The following TAF15 variants were observed in gnomAD, a reference collection of about 807,000 sequenced individuals.
The protein encoded by TAF15 is TATA-binding protein-associated factor 2N.
Under a neutral mutation model 102.5 loss-of-function variants are expected in TAF15, and 37 were observed. The ratio of observed to expected loss-of-function variants is 0.36; its 90% CI spans 0.28 to 0.47. The LOEUF is 0.47. TAF15 is among the 20% of genes least tolerant of loss of function. The pLI, the probability that TAF15 is intolerant of heterozygous loss-of-function variation, is 0.99. For synonymous variants in TAF15, 273 were observed against 259.2 expected (o/e 1.05, Z -0.51); for missense variants, 652 against 760.7 (o/e 0.86, Z 1.68).
In TAF15 at chr17:35,822,645, G is replaced by A; in HGVS notation, c.296G>A (p.Gly99Asp). 6.2e-7 allele frequency: 1 copy of A among 1,613,584 alleles called. No homozygotes were observed. Among genetic ancestry groups the A allele is most frequent in the East Asian group, 2.2e-5 (1 of 44,858 alleles). ...AGTTCTCCATTTCTATTTAGCCAAGGTGGAAGAGCACCTTCCTATGACCAG... is the reference window on the plus strand; with the variant it reads ...AGTTCTCCATTTCTATTTAGCCAAGATGGAAGAGCACCTTCCTATGACCAG... ...QQNMESSGSQ[G>D]GRAPSYDQPD... Residue 99 changes from glycine to aspartate, a missense_variant, in exon 6 of 16, where the codon GGT (glycine) becomes GAT (aspartate). Gly to Asp is a moderately conservative substitution (Grantham distance 94). This residue lies in a region of TAF15 where 243 missense variants were observed against 284.1 expected (regional missense o/e 0.86). Transcript: ENST00000605844.
chr17:35,838,343 A>C, intron 10 of TAF15, 81 bp from the exon 11 acceptor site: 1 of 1,582,752 alleles, frequency 6.3e-7, no homozygotes, highest in Admixed American at 1.7e-5. Flanking sequence ...CTTGTAAAAA[A>C]AATAAATCTT....
At chr17:35,827,401 A>T (rs1251855686) in intron 7 of TAF15, among the ~76,000 whole-genome samples, 2 of 151,726 alleles carry the variant, frequency 1.3e-5, no homozygotes, top group Non-Finnish European at 1.5e-5. Context: ...AGTTGGGTTT[A>T]TATTAAAAGA....
At chr17:35,832,952 C>T (rs1481840171) in intron 7 of TAF15, among the ~76,000 whole-genome samples, 1 of 151,954 alleles carries the variant, frequency 6.6e-6, no homozygotes, top group African/African-American at 2.4e-5. Flanking sequence ...AGGCCAGGAG[C>T]TGGAGATCAA....
At chr17:35,818,618 G>A (rs1234391396) in intron 2 of TAF15, 2 of 151,998 alleles carry the variant, frequency 1.3e-5, no homozygotes, top group African/African-American at 2.4e-5. Context: ...AACCAGCTTG[G>A]GTAATATAGC....
At chr17:35,838,343 A>T (rs2087500732) in intron 10 of TAF15, 81 bp from the exon 11 acceptor site, 1 of 1,582,752 alleles carries the variant, frequency 6.3e-7, no homozygotes. Context: ...CTTGTAAAAA[A>T]AATAAATCTT....
chr17:35,834,608 A>G lies in TAF15; in HGVS notation c.673+10A>G, dbSNP rs759046578. On this transcript the variant is annotated intron_variant, in intron 9 of 15. Transcript: ENST00000605844. Reference sequence around the variant, plus strand: ...CCCAGAACAGATGCTGGTAAGGTTTATGGTGGTTTGTCACTTTGCCATTAA... The same window carrying G: ...CCCAGAACAGATGCTGGTAAGGTTTGTGGTGGTTTGTCACTTTGCCATTAA... 1.8e-5 allele frequency: 29 copies of G among 1,611,588 alleles called. No homozygotes were observed. Among genetic ancestry groups the G allele is most frequent in the Non-Finnish European group, 2.1e-5 (25 of 1,179,188 alleles).
Position 35,824,155 on chromosome 17 carries a change from G to C in TAF15, c.562G>C (p.Gly188Arg). The change falls in exon 7 of 16, where the codon GGG (glycine) becomes CGG (arginine). Residue 188 changes from glycine to arginine, a missense_variant. Coordinates refer to ENST00000605844, the MANE Select transcript of TAF15 (RefSeq NM_139215.3). ...GGSQGGGRGR[G>R]GYDKDGRGPM... ...GTCACAGGGAGGAGGTAGAGGGCGTGGGGGATATGACAAGGATGGAAGAGG... is the reference window on the plus strand; with the variant it reads ...GTCACAGGGAGGAGGTAGAGGGCGTCGGGGATATGACAAGGATGGAAGAGG... The C allele has an allele frequency of 3.1e-6, 5 of 1,613,994 alleles. No individual in the cohort carries two copies. Among genetic ancestry groups the C allele is most frequent in the Non-Finnish European group, 4.2e-6 (5 of 1,180,010 alleles).
chr17:35,818,116 G>T (rs151194461), intron 2 of TAF15, among the ~76,000 whole-genome samples: 2 of 151,158 alleles, frequency 1.3e-5, no homozygotes, highest in Non-Finnish European at 2.9e-5. Context: ...TTTTTTTTGA[G>T]ACTGAGTCTC....
chr17:35,829,776 CAG>C (rs2087380072), intron 7 of TAF15, among the ~76,000 whole-genome samples: 1 of 151,952 alleles, frequency 6.6e-6, no homozygotes, highest in South Asian at 2.1e-4. Flanking sequence ...AAACAACCCT[CAG>C]AGTATGCCTT....
At chr17:35,813,645 G>T (rs4572457) in intron 1 of TAF15, among the ~76,000 whole-genome samples, 9 of 52,938 alleles carry the variant, frequency 1.7e-4, no homozygotes, top group African/African-American at 7.4e-4. Context: ...CCCCCCCCCC[G>T]CAAAAAAAGA....
intron 2 of TAF15, among the ~76,000 whole-genome samples, chr17:35,818,086 C>T (rs2087215751): frequency 6.6e-6 from 1 of 151,992 alleles, no homozygotes; most frequent in African/African-American, 2.4e-5. Flanking sequence ...TGCCACTCTA[C>T]TGGGCTTCTT....
chr17:35,838,323 G>A (rs1379011248), intron 10 of TAF15, 101 bp from the exon 11 acceptor site: 10 of 1,483,794 alleles, frequency 6.7e-6, no homozygotes, highest in African/African-American at 1.4e-5. Context: ...TAGTATGAAT[G>A]TGTGAATTCC....
chr17:35,844,474 C>T lies in TAF15; in HGVS notation c.1178-3C>T. 1 of 1,613,522 alleles carries T rather than the reference C, an allele frequency of 6.2e-7. No individual in the cohort carries two copies. The highest frequency in any genetic ancestry group is 8.5e-7 in the Non-Finnish European group (1 of 1,179,742). On this transcript the variant is annotated splice_polypyrimidine_tract_variant and splice_region_variant and intron_variant, in intron 14 of 15. Coordinates refer to ENST00000605844, the MANE Select transcript of TAF15 (RefSeq NM_139215.3). ...CCTCATTGTTTGCATTTCTACCTTG[C>T]AGATTTCCGGGGGAGAGGCTACGGT...
At chr17:35,814,196 C>T (rs896780038) in intron 1 of TAF15, among the ~76,000 whole-genome samples, 12 of 151,668 alleles carry the variant, frequency 7.9e-5, no homozygotes, top group South Asian at 2.1e-4. Flanking sequence ...GATGGAGTCT[C>T]GCTCTGTCGC....
At chr17:35,833,717 A>G (rs2087435347) in intron 7 of TAF15, 190 bp from the exon 8 acceptor site, 5 of 605,142 alleles carry the variant, frequency 8.3e-6, no homozygotes, top group South Asian at 6.0e-5. Flanking sequence ...TCTTGTGGAA[A>G]TAGATCCTTG....
rs1159733879 is a variant in TAF15, at chr17:35,813,639, C to T, written c.7+4063C>T. Reference sequence around the variant, plus strand: ...CAACAGAGCGAGACCCTGTCCCCCCCCCCCCGCAAAAAAAGATTAAGAAAC... The same window carrying T: ...CAACAGAGCGAGACCCTGTCCCCCCTCCCCCGCAAAAAAAGATTAAGAAAC... On this transcript the variant is annotated intron_variant, in intron 1 of 15. Transcript: ENST00000605844. Among the ~76,000 whole-genome samples the T allele has an allele frequency of 2.7e-5, 4 of 147,138 alleles. No individual in the cohort carries two copies. In the South Asian group the frequency reaches 6.8e-4, roughly 25 times the overall value.
At chr17:35,826,238 T>C (rs1046073061) in intron 7 of TAF15, among the ~76,000 whole-genome samples, 3 of 152,206 alleles carry the variant, frequency 2.0e-5, no homozygotes, top group African/African-American at 7.2e-5. Context: ...GATGTGCTGA[T>C]CTGGTTTCAG....
intron 2 of TAF15, among the ~76,000 whole-genome samples, chr17:35,818,055 G>A (rs2087215282): frequency 6.6e-6 from 1 of 151,884 alleles, no homozygotes; most frequent in South Asian, 2.1e-4. Flanking sequence ...CCAAGTAACT[G>A]TAATCTCCAC....
intron 11 of TAF15, 147 bp from the exon 12 acceptor site, chr17:35,842,220 C>T (rs1461258238): frequency 1.5e-6 from 1 of 674,006 alleles, no homozygotes; most frequent in African/African-American, 1.8e-5. Context: ...ACTTTTAGCA[C>T]TGTTATCTTG....
Sources: gnomAD v4.1 joint callset for allele counts (sites outside exome capture counted in the v4.1 genomes callset) on GRCh38, gnomAD v4.1.1 for gene constraint, gnomAD v4.1.1 regional missense constraint, MANE v1.5 for transcripts, NCBI Gene and HGNC (gene_info 2026-07-23, HGNC 2026-07-21) for gene names.